The following MCC variants were observed in gnomAD, a reference collection of about 807,000 sequenced individuals.
MCC encodes colorectal mutant cancer protein.
In MCC, 90 loss-of-function variants were observed where a neutral mutation model predicts 116.2. The observed-to-expected ratio is 0.77, with a 90% CI of 0.65 to 0.92. MCC has a LOEUF of 0.92. MCC is among the 40% of genes least tolerant of loss of function. The pLI, the probability that MCC is intolerant of heterozygous loss-of-function variation, is 0.00. For synonymous variants in MCC, 578 were observed against 510.5 expected (o/e 1.13, Z -1.78); for missense variants, 1,516 against 1,312.2 (o/e 1.16, Z -2.40).
intron 3 of MCC, among the ~76,000 whole-genome samples, chr5:113,262,620 A>G (rs1204117318): frequency 1.3e-5 from 2 of 152,246 alleles, no homozygotes; most frequent in African/African-American, 4.8e-5. Context: ...ATAGAAATAA[A>G]GAGGCCAAAG....
chr5:113,383,962 C>G (rs1424199600), intron 2 of MCC, among the ~76,000 whole-genome samples: 2 of 152,110 alleles, frequency 1.3e-5, no homozygotes, highest in Non-Finnish European at 2.9e-5. Flanking sequence ...AGCAGAGAAA[C>G]AATGAGATCA....
At position 113,023,793 on chromosome 5, in the gene MCC, C is replaced by CT. The variant is rs1750332590; in HGVS notation, c.*3508dup. 6.6e-6 allele frequency: 1 copy of CT among 152,130 alleles called. No individual in the cohort carries two copies. Among genetic ancestry groups the CT allele is most frequent in the Non-Finnish European group, 1.5e-5 (1 of 68,022 alleles). 9.4% of individuals were successfully genotyped at this position (152,130 alleles called of 1,614,324 possible). On this transcript the variant is annotated 3_prime_UTR_variant, in exon 19 of 19. Transcript: ENST00000408903. ...ACTTTAAAGCTTGATAATCGAAACT[C>CT]TTGAGAGCTATTAAGGTTGACTGAT...
At position 113,030,474 on chromosome 5, in the gene MCC, T is replaced by C. The variant is rs187343648; in HGVS notation, c.2757-1418A>G. Among the ~76,000 whole-genome samples the C allele has an allele frequency of 3.7e-3, 564 of 152,200 alleles. 7 individuals are homozygous for C. Among genetic ancestry groups the C allele is most frequent in the African/African-American group, 0.012 (503 of 41,528 alleles). On this transcript the variant is annotated intron_variant, in intron 17 of 18. Transcript: ENST00000408903. Reference sequence around the variant, plus strand: ...AATGTGGATTACTTGAGCTCAGAAATTGAAGACCAGCCTGGGCAACATGGT... The same window carrying C: ...AATGTGGATTACTTGAGCTCAGAAACTGAAGACCAGCCTGGGCAACATGGT...
chr5:113,365,522 T>A (rs978101482), intron 2 of MCC, among the ~76,000 whole-genome samples: 2 of 152,172 alleles, frequency 1.3e-5, no homozygotes, highest in Non-Finnish European at 2.9e-5. Flanking sequence ...TTCTAAGCCC[T>A]CCACACTCTT....
chr5:113,070,058 A>G (rs550802032), intron 12 of MCC, among the ~76,000 whole-genome samples: 171 of 152,328 alleles, frequency 1.1e-3, no homozygotes, highest in African/African-American at 4.0e-3. Context: ...TTCTGCTCAA[A>G]GGCAGATTGT....
At chr5:113,373,279 C>T (rs1173376036) in intron 2 of MCC, among the ~76,000 whole-genome samples, 2 of 151,932 alleles carry the variant, frequency 1.3e-5, no homozygotes, top group Non-Finnish European at 2.9e-5. Flanking sequence ...GTGTCCACAA[C>T]ACAATTCTGC....
At chr5:113,033,142 G>A (rs982737102) in intron 17 of MCC, among the ~76,000 whole-genome samples, 3 of 152,154 alleles carry the variant, frequency 2.0e-5, no homozygotes, top group Non-Finnish European at 4.4e-5. Flanking sequence ...GGTCTGGATC[G>A]GTAATATTTT....
At chr5:113,069,915 C>G (rs1040383277) in intron 12 of MCC, among the ~76,000 whole-genome samples, 2 of 152,212 alleles carry the variant, frequency 1.3e-5, no homozygotes, top group African/African-American at 2.4e-5. Context: ...TTGTCCTTTA[C>G]TAAGAGTTAA....
intron 3 of MCC, among the ~76,000 whole-genome samples, chr5:113,337,967 A>G (rs1767911566): frequency 6.6e-6 from 1 of 152,168 alleles, no homozygotes. Flanking sequence ...GGTTAAAACA[A>G]CCATCATGTA....
chr5:113,372,950 G>C (rs555800107), intron 2 of MCC, among the ~76,000 whole-genome samples: 7 of 152,174 alleles, frequency 4.6e-5, no homozygotes, highest in East Asian at 1.9e-4. Flanking sequence ...AGGCCGAGGC[G>C]GGCGGTTCAC....
At chr5:113,303,411 AATC>A (rs940916888) in intron 3 of MCC, among the ~76,000 whole-genome samples, 3 of 152,230 alleles carry the variant, frequency 2.0e-5, no homozygotes, top group Non-Finnish European at 2.9e-5. Flanking sequence ...CTGTAAATAG[AATC>A]ATAAGAAAGA....
chr5:113,467,153 T>C (rs2150428740), intron 1 of MCC, among the ~76,000 whole-genome samples: 1 of 151,480 alleles, frequency 6.6e-6, no homozygotes, highest in South Asian at 2.1e-4. Flanking sequence ...ACTCTGATGG[T>C]AGTTTCTTTT....
At position 113,063,993 on chromosome 5, in the gene MCC, C is replaced by T; in HGVS notation, c.2204G>A (p.Ser735Asn). 1 of 1,612,204 alleles carries T rather than the reference C, an allele frequency of 6.2e-7. No individual in the cohort carries two copies. ...VQPWESLSSN[S>N]HTSTTSSTAS... Reference sequence around the variant, plus strand: ...GAAGGCTGAGCATTACCTGGTGTGGCTGTTGGAGGAAAGGCTCTCCCAGGG... The same window carrying T: ...GAAGGCTGAGCATTACCTGGTGTGGTTGTTGGAGGAAAGGCTCTCCCAGGG... The change falls in exon 14 of 19, where the codon AGC becomes AAC. Residue 735 changes from serine to asparagine, a missense_variant. Ser to Asn is a conservative substitution (Grantham distance 46). Transcript: ENST00000408903.
At chr5:113,433,747 G>A (rs765308693) in intron 1 of MCC, 27 of 1,612,430 alleles carry the variant, frequency 1.7e-5, no homozygotes, top group East Asian at 6.7e-5. Context: ...CACTGGGCCC[G>A]CGTCTCTGGA....
chr5:113,351,684 T>A (rs1768271718), intron 2 of MCC, among the ~76,000 whole-genome samples: 1 of 152,178 alleles, frequency 6.6e-6, no homozygotes, highest in Non-Finnish European at 1.5e-5. Context: ...TTAAAAATGA[T>A]GAAGAGAGTA....
At chr5:113,465,429 T>C (rs1054081106) in intron 1 of MCC, among the ~76,000 whole-genome samples, 1 of 152,022 alleles carries the variant, frequency 6.6e-6, no homozygotes, top group Non-Finnish European at 1.5e-5. Flanking sequence ...AAAATACTTA[T>C]AAGAAAATAA....
At chr5:113,170,959 CTG>C (rs1215867056) in intron 3 of MCC, among the ~76,000 whole-genome samples, 1 of 152,108 alleles carries the variant, frequency 6.6e-6, no homozygotes, top group African/African-American at 2.4e-5. Flanking sequence ...AACTGAGACT[CTG>C]TGGAAGCACC....
chr5:113,469,050 G>A (rs1772000839), intron 1 of MCC, among the ~76,000 whole-genome samples: 1 of 152,064 alleles, frequency 6.6e-6, no homozygotes, highest in Non-Finnish European at 1.5e-5. Flanking sequence ...ATTTTTTATT[G>A]TGTCTATTTG....
At chr5:113,050,361 C>T (rs1463313301) in intron 15 of MCC, among the ~76,000 whole-genome samples, 1 of 152,138 alleles carries the variant, frequency 6.6e-6, no homozygotes, top group African/African-American at 2.4e-5. Context: ...GAGATGGACT[C>T]ACCTGAGGTT....
Sources: gnomAD v4.1 joint callset for allele counts (sites outside exome capture counted in the v4.1 genomes callset) on GRCh38, gnomAD v4.1.1 for gene constraint, MANE v1.5 for transcripts, NCBI Gene and HGNC (gene_info 2026-07-23, HGNC 2026-07-21) for gene names.